The following GALNT13 variants were observed in gnomAD, a reference collection of about 807,000 sequenced individuals.
GALNT13 encodes the protein UDP-GalNAc:polypeptide N-acetylgalactosaminyltransferase 13.
A neutral mutation model predicts 64.2 loss-of-function variants in GALNT13; 28 were observed. That is an observed-to-expected ratio of 0.44 (90% confidence interval 0.32 to 0.60). The LOEUF (loss-of-function observed/expected upper bound fraction) is 0.60, where lower values mean the gene tolerates loss of function less well. GALNT13 is among the 20% of genes least tolerant of loss of function. The probability of loss-of-function intolerance (pLI) is 0.05; values close to 1 mark genes in which losing one functional copy is unlikely to be tolerated. For synonymous variants in GALNT13, 214 were observed against 224.6 expected, an observed-to-expected ratio of 0.95 and a Z score of 0.42; for missense variants, 577 against 669.8, an observed-to-expected ratio of 0.86 and a Z score of 1.53.
chr2:153,573,491 C>T, the GALNT13 span, among the ~76,000 whole-genome samples: 18 of 151,876 alleles, frequency 1.2e-4, no homozygotes, highest in Non-Finnish European at 1.0e-4. Flanking sequence ...TTTTGTTACT[C>T]GTTTTCTGGT....
chr2:153,965,964 A>G (rs1309423341), intron 3 of GALNT13, among the ~76,000 whole-genome samples: 1 of 152,014 alleles, frequency 6.6e-6, no homozygotes, highest in African/African-American at 2.4e-5. Context: ...TACTACATAT[A>G]TGAGTGACAG....
the GALNT13 span, among the ~76,000 whole-genome samples, chr2:153,637,200 C>T: frequency 6.6e-5 from 10 of 152,012 alleles, no homozygotes; most frequent in African/African-American, 1.9e-4. Context: ...CTAAAATGAT[C>T]GAATCTTATG....
chr2:153,886,981 C>G (rs1330824970), intron 1 of GALNT13, among the ~76,000 whole-genome samples: 1 of 151,906 alleles, frequency 6.6e-6, no homozygotes, highest in East Asian at 1.9e-4. Flanking sequence ...ATTCTTATAT[C>G]TAATTACTAG....
intron 11 of GALNT13, among the ~76,000 whole-genome samples, chr2:154,419,320 T>G (rs914241798): frequency 1.3e-5 from 2 of 152,146 alleles, no homozygotes; most frequent in South Asian, 4.1e-4. Flanking sequence ...TTGGCCCTTT[T>G]CTTTCCCTGA....
the GALNT13 span, among the ~76,000 whole-genome samples, chr2:153,188,145 T>G: frequency 6.6e-6 from 1 of 152,002 alleles, no homozygotes; most frequent in Non-Finnish European, 1.5e-5. Flanking sequence ...TCATATTAAT[T>G]TTATGGTTTT....
intron 4 of GALNT13, among the ~76,000 whole-genome samples, chr2:154,162,050 G>A (rs965278100): frequency 6.6e-6 from 1 of 152,062 alleles, no homozygotes; most frequent in Non-Finnish European, 1.5e-5. Flanking sequence ...CAAAGTGGTG[G>A]GATTACAGGC....
At chr2:154,342,209 G>A (rs1460374831) in intron 9 of GALNT13, among the ~76,000 whole-genome samples, 1 of 151,964 alleles carries the variant, frequency 6.6e-6, no homozygotes, top group Non-Finnish European at 1.5e-5. Context: ...TAAGGTCAGG[G>A]CACACTGGAT....
At chr2:154,095,584 C>T (rs1033706370) in intron 3 of GALNT13, among the ~76,000 whole-genome samples, 1 of 151,774 alleles carries the variant, frequency 6.6e-6, no homozygotes, top group African/African-American at 2.4e-5. Flanking sequence ...ATGCTTAATG[C>T]CTATGGTTTC....
At chr2:153,982,227 G>A (rs953291958) in intron 3 of GALNT13, among the ~76,000 whole-genome samples, 2 of 152,136 alleles carry the variant, frequency 1.3e-5, no homozygotes, top group African/African-American at 4.8e-5. Flanking sequence ...TCTGAGAGAA[G>A]TTATACTGTG....
At chr2:153,642,741 A>G in the GALNT13 span, among the ~76,000 whole-genome samples, 4 of 151,854 alleles carry the variant, frequency 2.6e-5, no homozygotes, top group Non-Finnish European at 5.9e-5. Flanking sequence ...TTAATTGACA[A>G]ATATAAAATT....
At chr2:153,466,388 T>A in the GALNT13 span, among the ~76,000 whole-genome samples, 1 of 152,038 alleles carries the variant, frequency 6.6e-6, no homozygotes, top group African/African-American at 2.4e-5. Context: ...CAGTGGTAAA[T>A]ACTGCCAACT....
At chr2:153,911,514 G>A (rs533682814) in intron 2 of GALNT13, among the ~76,000 whole-genome samples, 2 of 152,152 alleles carry the variant, frequency 1.3e-5, no homozygotes, top group East Asian at 1.9e-4. Context: ...ACTTGTCTGT[G>A]TACTTAAATG....
At chr2:154,434,290 C>T (rs949039576) in intron 11 of GALNT13, among the ~76,000 whole-genome samples, 3 of 152,152 alleles carry the variant, frequency 2.0e-5, no homozygotes, top group African/African-American at 7.2e-5. Context: ...AGAGGAGTCT[C>T]GCTCTGTAGC....
the GALNT13 span, among the ~76,000 whole-genome samples, chr2:153,648,719 A>G: frequency 2.5e-4 from 38 of 152,052 alleles, no homozygotes; most frequent in South Asian, 8.3e-4. Flanking sequence ...ATCTATTGAG[A>G]TGATCATGTG....
At chr2:153,997,033 G>T (rs1230086768) in intron 3 of GALNT13, among the ~76,000 whole-genome samples, 1 of 152,016 alleles carries the variant, frequency 6.6e-6, no homozygotes, top group African/African-American at 2.4e-5. Flanking sequence ...TGGTCTTTGT[G>T]TCTGTTTTTA....
the GALNT13 span, among the ~76,000 whole-genome samples, chr2:153,473,805 A>C: frequency 6.6e-6 from 1 of 152,326 alleles, no homozygotes; most frequent in Non-Finnish European, 1.5e-5. Context: ...CAGAAACTCA[A>C]AAGGAAAAAT....
the GALNT13 span, among the ~76,000 whole-genome samples, chr2:153,254,535 T>C: frequency 6.6e-6 from 1 of 152,202 alleles, no homozygotes; most frequent in Non-Finnish European, 1.5e-5. Context: ...TGCCCTTGCT[T>C]TTCTAGTTCT....
chr2:153,882,675 A>G (rs1686861573), intron 1 of GALNT13, among the ~76,000 whole-genome samples: 1 of 150,626 alleles, frequency 6.6e-6, no homozygotes, highest in African/African-American at 2.4e-5. Context: ...CCCAGGCTGG[A>G]ATACAGTGGC....
the GALNT13 span, among the ~76,000 whole-genome samples, chr2:153,427,984 T>G: frequency 6.6e-6 from 1 of 152,310 alleles, no homozygotes; most frequent in South Asian, 2.1e-4. Context: ...TTGTTTTTGC[T>G]CTTCATTATT....
Sources: gnomAD v4.1 joint callset for allele counts (sites outside exome capture counted in the v4.1 genomes callset) on GRCh38, gnomAD v4.1.1 for gene constraint, MANE v1.5 for transcripts, NCBI Gene and HGNC (gene_info 2026-07-23, HGNC 2026-07-21) for gene names.